Variants in PDE2A observed in about 807,000 individuals in gnomAD.
PDE2A encodes cGMP-dependent 3',5'-cyclic phosphodiesterase.
A neutral mutation model predicts 133.6 loss-of-function variants in PDE2A; 53 were observed. That is an observed-to-expected ratio of 0.40 (90% CI 0.32 to 0.50). PDE2A has a LOEUF of 0.50. PDE2A is among the 20% of genes least tolerant of loss of function. The pLI, the probability that PDE2A is intolerant of heterozygous loss-of-function variation, is 0.73. For missense variants in PDE2A, 796 were observed against 1,232.4 expected (o/e 0.65, Z 5.30); for synonymous variants, 491 against 490.2 (o/e 1.00, Z -0.02).
At chr11:72,585,049 G>A in intron 16 of PDE2A, 105 bp from the exon 17 acceptor site, 4 of 1,096,120 alleles carry the variant, frequency 3.6e-6, no homozygotes, top group Non-Finnish European at 5.6e-6. Context: ...TGGGAGGAGT[G>A]CTCCAAGGTA....
intron 4 of PDE2A, among the ~76,000 whole-genome samples, chr11:72,603,196 G>A (rs1428824048): frequency 6.6e-6 from 1 of 152,094 alleles, no homozygotes; most frequent in Non-Finnish European, 1.5e-5. Context: ...CCCTCCTCCT[G>A]GAATCTTCAG....
intron 4 of PDE2A, among the ~76,000 whole-genome samples, chr11:72,601,491 T>C (rs537449440): frequency 6.6e-6 from 1 of 151,812 alleles, no homozygotes; most frequent in African/African-American, 2.4e-5. Flanking sequence ...AAAGAAGACC[T>C]GGTCAGCTTA....
At chr11:72,605,744 CGGTGG>C (rs1442596864) in intron 3 of PDE2A, among the ~76,000 whole-genome samples, 2 of 152,224 alleles carry the variant, frequency 1.3e-5, no homozygotes, top group Non-Finnish European at 2.9e-5. Context: ...CGCCATCCTC[CGGTGG>C]GGCTGGAGAG....
At chr11:72,654,876 C>T (rs539642358) in intron 1 of PDE2A, among the ~76,000 whole-genome samples, 54 of 152,324 alleles carry the variant, frequency 3.5e-4, no homozygotes, top group African/African-American at 1.3e-3. Context: ...CTCCAGCCCC[C>T]GGTCCCCCTA....
chr11:72,582,137 C>T (rs1336942369), intron 21 of PDE2A, 190 bp from the exon 22 acceptor site: 3 of 615,508 alleles, frequency 4.9e-6, no homozygotes, highest in Non-Finnish European at 8.6e-6. Flanking sequence ...GAACTAAGAA[C>T]TCTTGAAACC....
intron 16 of PDE2A, 62 bp from the exon 17 acceptor site, chr11:72,585,006 C>A (rs1298432787): frequency 6.6e-7 from 1 of 1,523,086 alleles, no homozygotes; most frequent in Non-Finnish European, 9.1e-7. Flanking sequence ...CCCTCACGTC[C>A]CATAAGGAGG....
At chr11:72,642,498 C>T in intron 1 of PDE2A, 172 bp from the exon 2 acceptor site, 2 of 663,922 alleles carry the variant, frequency 3.0e-6, no homozygotes, top group Non-Finnish European at 3.7e-6. Context: ...CCCCCGCCCG[C>T]CCCCGGCCCG....
Position 72,590,472 on chromosome 11 carries a change from C to A in PDE2A, c.658G>T (p.Gly220Trp), listed in dbSNP as rs200392115. ...PEGTAEDQKG[G>W]AAYTDRDRKI... ...CGGTCGCGGTCGGTGTACGCCGCCC[C>A]GCCCTTCTGGTCTTCCGCCGTCCCC... Residue 220 changes from glycine (G) to tryptophan (W), a missense_variant, in exon 8 of 31, where the codon GGG becomes TGG. By Grantham distance (184) the Gly-to-Trp change is radical (BLOSUM62 -2). This residue lies in a region of PDE2A where 417 missense variants were observed against 475.3 expected (regional missense o/e 0.88). Coordinates refer to ENST00000334456, the MANE Select transcript of PDE2A (RefSeq NM_002599.5). This position sits in a 1 kb window ranked among gnomAD's most constrained non-coding sequence, Gnocchi z 4.8. 641 of 1,540,200 alleles carry A rather than the reference C, an allele frequency of 4.2e-4. 12 individuals are homozygous for A. The East Asian group carries it at 9.4e-3, about 23-fold the overall frequency.
At chr11:72,632,683 C>G (rs919995027) in intron 2 of PDE2A, among the ~76,000 whole-genome samples, 10 of 152,168 alleles carry the variant, frequency 6.6e-5, no homozygotes, top group African/African-American at 2.4e-4. Flanking sequence ...CCACCCACAG[C>G]CAGATGGGCT....
rs777942045 is a variant in PDE2A at position 72,588,914 on chromosome 11, C to T, written c.940G>A (p.Glu314Lys). The stretch of plus-strand genomic sequence containing the variant: ...ATGCTCTGCAGCTGTTGTACATCCT[C>T]CTGCAAAGGCGAGGCAAGTCAGGGC... ...KSIQLKDLTS[E>K]DVQQLQSMLG... The change falls in exon 13 of 31, where the codon GAG becomes AAG. Residue 314 changes from glutamate (E) to lysine (K), a missense_variant and splice_region_variant. Glu to Lys is a moderately conservative substitution (Grantham distance 56). Transcript: ENST00000334456. 5 of 1,599,322 alleles carry T rather than the reference C, an allele frequency of 3.1e-6. No homozygotes were observed. The highest frequency in any genetic ancestry group is 4.3e-6 in the Non-Finnish European group (5 of 1,169,186).
At chr11:72,654,482 G>A (rs1381049685) in intron 1 of PDE2A, among the ~76,000 whole-genome samples, 2 of 152,128 alleles carry the variant, frequency 1.3e-5, no homozygotes, top group African/African-American at 2.4e-5. Context: ...AAGAAGCAAG[G>A]TGACCAGGCC....
chr11:72,581,961 A>G lies in PDE2A; in HGVS notation c.1852-14T>C. The G allele has an allele frequency of 6.2e-7, 1 of 1,611,974 alleles. No homozygotes were observed. Among genetic ancestry groups the G allele is most frequent in the Non-Finnish European group, 8.5e-7 (1 of 1,178,126 alleles). On this transcript the variant is annotated splice_polypyrimidine_tract_variant and intron_variant, in intron 21 of 30. Transcript: ENST00000334456. ...GCTCAGGATGGCCTGGAGAGGGCAG[A>G]GGGAGGTATCAGAGGGGCTGCCAGT... is the stretch of plus-strand genomic sequence containing the variant.
intron 2 of PDE2A, among the ~76,000 whole-genome samples, chr11:72,631,630 G>A (rs1180637601): frequency 2.6e-5 from 4 of 152,120 alleles, no homozygotes; most frequent in Non-Finnish European, 2.9e-5. Context: ...GAGACCATGT[G>A]GGAGCCCCCC....
Position 72,590,028 on chromosome 11 carries a change from C to A in PDE2A, c.757-47G>T. 1 of 1,517,858 alleles carries A rather than the reference C, an allele frequency of 6.6e-7. No individual in the cohort carries two copies. Among genetic ancestry groups the A allele is most frequent in the South Asian group, 1.2e-5 (1 of 85,020 alleles). The allele number at this position is 1,517,858 out of a possible 1,614,324, so 94.0% of individuals were successfully genotyped here. A position where few individuals can be genotyped will look rare whatever the true frequency, so the allele number is the denominator to read the frequency against. ...CGAGGGGGTGACCGCGGATCCGGGT[C>A]ACCCCACTCCCCACCTGCTCCCCTC... On this transcript the variant is annotated intron_variant, in intron 9 of 30. Coordinates refer to ENST00000334456, the MANE Select transcript of PDE2A (RefSeq NM_002599.5). The surrounding 1 kb of genome is among the most constrained non-coding windows in gnomAD (Gnocchi z 4.8).
chr11:72,656,540 C>T (rs1326122016), intron 1 of PDE2A, among the ~76,000 whole-genome samples: 1 of 152,150 alleles, frequency 6.6e-6, no homozygotes, highest in Non-Finnish European at 1.5e-5. Flanking sequence ...CCTGACTTCC[C>T]AGATCCTTCC....
rs757669052 is a variant in PDE2A at position 72,596,619 on chromosome 11, C to A, written c.463G>T (p.Ala155Ser). 1 of 1,515,390 alleles carries A rather than the reference C, an allele frequency of 6.6e-7. No individual in the cohort carries two copies. The highest frequency in any genetic ancestry group is 1.3e-5 in the South Asian group (1 of 76,528). The allele number at this position is 1,515,390 out of a possible 1,614,324, so 93.9% of individuals were successfully genotyped here. A position where few individuals can be genotyped will look rare whatever the true frequency, so the allele number is the denominator to read the frequency against. Residue 155 changes from alanine to serine, a missense_variant, in exon 6 of 31, where the codon GCT becomes TCT. By Grantham distance (99) the Ala-to-Ser change is moderately conservative. This residue lies in a region of PDE2A where 417 missense variants were observed against 475.3 expected (regional missense o/e 0.88). Coordinates refer to ENST00000334456, the MANE Select transcript of PDE2A (RefSeq NM_002599.5). The stretch of plus-strand genomic sequence containing the variant: ...AAGATGACAGCTGCCACGGCCCCAG[C>A]CTCCTTGTCCGCTAGCGGCATGACC... The part of the protein sequence containing the change: ...VLVMPLADKE[A>S]GAVAAVILVH...
intron 1 of PDE2A, among the ~76,000 whole-genome samples, chr11:72,663,369 G>T (rs1855130437): frequency 6.6e-6 from 1 of 152,314 alleles, no homozygotes; most frequent in South Asian, 2.1e-4. Context: ...GCAGGAAGCA[G>T]CTCTCAGCCA....
chr11:72,652,797 C>G (rs1854778340), intron 1 of PDE2A: 1 of 444,384 alleles, frequency 2.3e-6, no homozygotes, highest in Non-Finnish European at 4.5e-6. Context: ...CCTCTTGCAG[C>G]AGGCTGACTT....
chr11:72,628,578 C>T (rs1272105100), intron 2 of PDE2A, among the ~76,000 whole-genome samples: 1 of 152,186 alleles, frequency 6.6e-6, no homozygotes, highest in East Asian at 1.9e-4. Context: ...ATCCACCTGC[C>T]TTGGCCTCCC....
Sources: allele counts gnomAD v4.1 joint callset (sites outside exome capture counted in the v4.1 genomes callset), GRCh38; gene constraint gnomAD v4.1.1; regional missense constraint gnomAD v4.1.1; non-coding constraint Gnocchi (gnomAD v3.1); transcripts MANE v1.5; gene names NCBI Gene and HGNC (gene_info 2026-07-23, HGNC 2026-07-21).